The following TMCO6 variants were observed in gnomAD, a reference collection of about 807,000 sequenced individuals.
TMCO6 encodes the protein transmembrane and coiled-coil domain-containing protein 6.
Under a neutral mutation model 61.8 loss-of-function variants are expected in TMCO6, and 47 were observed. The observed-to-expected ratio is 0.76, with a 90% CI of 0.60 to 0.97. The LOEUF (loss-of-function observed/expected upper bound fraction) is 0.97. Among genes scored for constraint, TMCO6 ranks in the 50% least tolerant of loss-of-function variants. The pLI, the probability that TMCO6 is intolerant of heterozygous loss-of-function variation, is 0.00. For missense variants in TMCO6, 557 were observed against 601.6 expected, an observed-to-expected ratio of 0.93 and a Z score of 0.78; for synonymous variants, 261 against 254.2, an observed-to-expected ratio of 1.03 and a Z score of -0.25.
rs201864344 is a variant in TMCO6 at position 140,639,724 on chromosome 5, C to T, written c.86-15C>T. 418 of 1,578,124 alleles carry T rather than the reference C, an allele frequency of 2.6e-4. No homozygotes were observed. Among genetic ancestry groups the T allele is most frequent in the Non-Finnish European group, 3.4e-4 (400 of 1,162,418 alleles). ...GGTCGTCCTTCCCACGCTCAGCCGG[C>T]TCCTCTGCCCCCAGCACTGCGGAAG... On this transcript the variant is annotated splice_polypyrimidine_tract_variant and intron_variant, in intron 1 of 11. Transcript: ENST00000394671.
chr5:140,599,704 C>T, the TMCO6 span, among the ~76,000 whole-genome samples: 1 of 152,130 alleles, frequency 6.6e-6, no homozygotes, highest in East Asian at 1.9e-4. Context: ...AGTTTGAGAC[C>T]AACCTGGTCA....
chr5:140,634,417 C>T, the TMCO6 span, among the ~76,000 whole-genome samples: 2 of 151,050 alleles, frequency 1.3e-5, no homozygotes, highest in South Asian at 2.1e-4. Flanking sequence ...TAAGGAGCTA[C>T]GCATTTACAA....
At chr5:140,604,437 T>C in the TMCO6 span, among the ~76,000 whole-genome samples, 19 of 151,768 alleles carry the variant, frequency 1.3e-4, no homozygotes, top group African/African-American at 4.6e-4. Context: ...TTTGTTGTTG[T>C]TGAGTTGTAA....
At chr5:140,632,560 G>C in the TMCO6 span, 1 of 1,614,174 alleles carries the variant, frequency 6.2e-7, no homozygotes, top group Non-Finnish European at 8.5e-7. This position sits in a 1 kb window ranked among gnomAD's most constrained non-coding sequence, Gnocchi z 6.2. Context: ...GAAAGTGCAA[G>C]TCCTGTGGCT....
At chr5:140,626,107 C>A in the TMCO6 span, among the ~76,000 whole-genome samples, 1 of 152,156 alleles carries the variant, frequency 6.6e-6, no homozygotes, top group Non-Finnish European at 1.5e-5. Context: ...ACAGGCATTT[C>A]TACACTGATG....
chr5:140,632,221 C>G, the TMCO6 span: 6 of 1,613,740 alleles, frequency 3.7e-6, no homozygotes, highest in Non-Finnish European at 8.5e-7. The surrounding 1 kb of genome is among the most constrained non-coding windows in gnomAD (Gnocchi z 6.2). Context: ...TGGCTGAGGT[C>G]TAGGCTGTGG....
intron 7 of TMCO6, chr5:140,643,290 G>A (rs1757162420): frequency 1.5e-5 from 9 of 598,782 alleles, no homozygotes; most frequent in East Asian, 6.2e-5. Context: ...TCTGCCTCCC[G>A]GGTTCAAGCG....
At chr5:140,632,800 C>A in the TMCO6 span, 4 of 1,613,796 alleles carry the variant, frequency 2.5e-6, no homozygotes, top group Non-Finnish European at 3.4e-6. The surrounding 1 kb of genome is among the most constrained non-coding windows in gnomAD (Gnocchi z 6.2). Flanking sequence ...TTGAGACCGC[C>A]GGCATGGATC....
chr5:140,596,579 T>C, the TMCO6 span, among the ~76,000 whole-genome samples: 1 of 152,204 alleles, frequency 6.6e-6, no homozygotes, highest in Non-Finnish European at 1.5e-5. Context: ...CTCTCTTTTT[T>C]GCTTGTAGTT....
downstream of TMCO6, chr5:140,647,580 C>G (rs1240805475): frequency 6.2e-7 from 1 of 1,610,106 alleles, no homozygotes; most frequent in Admixed American, 1.7e-5. Flanking sequence ...GCGGCCGCCG[C>G]CATCCTTGTT....
At chr5:140,614,764 G>A in the TMCO6 span, among the ~76,000 whole-genome samples, 14 of 151,842 alleles carry the variant, frequency 9.2e-5, no homozygotes, top group African/African-American at 1.5e-4. Flanking sequence ...ACAGGCGCCC[G>A]CCACCACGCC....
chr5:140,607,634 A>G, the TMCO6 span, among the ~76,000 whole-genome samples: 2 of 152,180 alleles, frequency 1.3e-5, no homozygotes, highest in African/African-American at 4.8e-5. Context: ...ATTATTTTCC[A>G]CAGTGGCTGT....
chr5:140,636,358 C>T (rs1756770111), upstream of TMCO6, among the ~76,000 whole-genome samples: 2 of 151,726 alleles, frequency 1.3e-5, no homozygotes, highest in Non-Finnish European at 2.9e-5. Flanking sequence ...GTAATTCTAG[C>T]ACTTTGGGAG....
At position 140,643,901 on chromosome 5, in the gene TMCO6, A is replaced by G. The variant is rs1025635249; in HGVS notation, c.1040A>G (p.Gln347Arg). 1.2e-6 allele frequency: 2 copies of G among 1,614,094 alleles called. No homozygotes were observed. The highest frequency in any genetic ancestry group is 8.5e-7 in the Non-Finnish European group (1 of 1,180,036). ...RVVAALFILL[Q>R]FFFQKQPSLL... The stretch of plus-strand genomic sequence containing the variant: ...GTGGCAGCCTTATTTATCCTTCTGC[A>G]GTTCTTTTTCCAGAAACAGCCCAGT... Residue 347 changes from glutamine (Q) to arginine (R), a missense_variant, in exon 9 of 12, where the codon CAG (glutamine) becomes CGG (arginine). Coordinates refer to ENST00000394671, the MANE Select transcript of TMCO6 (RefSeq NM_018502.5).
chr5:140,632,266 C>G, the TMCO6 span: 3 of 1,613,718 alleles, frequency 1.9e-6, no homozygotes, highest in Admixed American at 5.0e-5. This position sits in a 1 kb window ranked among gnomAD's most constrained non-coding sequence, Gnocchi z 6.2. Context: ...GCGGCGCACA[C>G]GCCTGTGGGC....
chr5:140,597,519 G>T, the TMCO6 span, among the ~76,000 whole-genome samples: 1 of 152,100 alleles, frequency 6.6e-6, no homozygotes, highest in Non-Finnish European at 1.5e-5. Context: ...CCCTTGCTCT[G>T]GGTCTCTTTC....
In TMCO6 at chr5:140,643,764, CA is replaced by C. The variant is rs780515475; in HGVS notation, c.919-14del. 2 of 1,612,170 alleles carry C rather than the reference CA, an allele frequency of 1.2e-6. No individual in the cohort carries two copies. Among genetic ancestry groups the C allele is most frequent in the South Asian group, 2.2e-5 (2 of 91,004 alleles). ...CTCTTCCTTCTTACACCTGACCCCCCAATTTGTCTTTGCAGCTGGCATGCCC... is the reference window on the plus strand; with the variant it reads ...CTCTTCCTTCTTACACCTGACCCCCCATTTGTCTTTGCAGCTGGCATGCCC... On this transcript the variant is annotated splice_polypyrimidine_tract_variant and intron_variant, in intron 8 of 11. Transcript: ENST00000394671.
upstream of TMCO6, among the ~76,000 whole-genome samples, chr5:140,636,112 C>T (rs564011145): frequency 6.6e-5 from 10 of 152,264 alleles, no homozygotes; most frequent in African/African-American, 2.2e-4. Context: ...GAGTCTCCTG[C>T]CTCAGTCTCC....
At position 140,641,696 on chromosome 5, in the gene TMCO6, G is replaced by A; in HGVS notation, c.230G>A (p.Gly77Glu). ...CAGTTCCTGCGGCAAGCCCAGCGGG[G>A]GACAGAGGAAAAGGAGAGAGAGGGG... The part of the protein sequence containing the change: ...VQQFLRQAQR[G>E]TEEKEREGAL... Residue 77 changes from glycine (G) to glutamate (E), a missense_variant, in exon 3 of 12, where the codon GGG (glycine) becomes GAG (glutamate). Coordinates refer to ENST00000394671, the MANE Select transcript of TMCO6 (RefSeq NM_018502.5). 2 of 1,614,126 alleles carry A rather than the reference G, an allele frequency of 1.2e-6. No homozygotes were observed. Among genetic ancestry groups the A allele is most frequent in the Middle Eastern group, 1.7e-4 (1 of 6,028 alleles).
Sources: allele counts gnomAD v4.1 joint callset (sites outside exome capture counted in the v4.1 genomes callset), GRCh38; gene constraint gnomAD v4.1.1; non-coding constraint Gnocchi (gnomAD v3.1); transcripts MANE v1.5; gene names NCBI Gene and HGNC (gene_info 2026-07-23, HGNC 2026-07-21).